Variants in RBMS3 observed in about 807,000 individuals in gnomAD.
RBMS3 encodes the protein RNA-binding motif, single-stranded-interacting protein 3.
Under a neutral mutation model 66.8 loss-of-function variants are expected in RBMS3, and 27 were observed. That is an observed-to-expected ratio of 0.40 (90% confidence interval 0.30 to 0.56). The LOEUF is 0.56. RBMS3 is among the 20% of genes least tolerant of loss of function. The pLI is 0.40. For missense variants in RBMS3, 513 were observed against 549.5 expected (o/e 0.93, Z 0.66); for synonymous variants, 188 against 183.0 (o/e 1.03, Z -0.22).
chr3:29,425,130 T>C (rs2040893750), intron 1 of RBMS3, among the ~76,000 whole-genome samples: 1 of 144,496 alleles, frequency 6.9e-6, no homozygotes, highest in Non-Finnish European at 1.5e-5. Flanking sequence ...GATCACAAGG[T>C]CAGGAGATCG....
chr3:29,814,263 G>C (rs905502027), intron 6 of RBMS3, among the ~76,000 whole-genome samples: 1 of 152,054 alleles, frequency 6.6e-6, no homozygotes, highest in African/African-American at 2.4e-5. Context: ...CTTTGGTTCT[G>C]TTTATATGCT....
intron 12 of RBMS3, among the ~76,000 whole-genome samples, chr3:29,948,221 G>A (rs190280610): frequency 6.6e-5 from 10 of 151,786 alleles, no homozygotes; most frequent in African/African-American, 1.7e-4. Flanking sequence ...TGTGCTCTAC[G>A]AATAAAGTTC....
intron 1 of RBMS3, among the ~76,000 whole-genome samples, chr3:29,310,839 G>A (rs979426302): frequency 4.6e-5 from 7 of 151,690 alleles, no homozygotes; most frequent in African/African-American, 1.2e-4. Flanking sequence ...TGGCTCTGAC[G>A]TTCATCTGTT....
At chr3:29,877,102 A>C (rs1450636010) in intron 7 of RBMS3, among the ~76,000 whole-genome samples, 2 of 152,242 alleles carry the variant, frequency 1.3e-5, no homozygotes, top group African/African-American at 2.4e-5. Flanking sequence ...GGCAGTAATC[A>C]TGCATTGAAC....
intron 6 of RBMS3, among the ~76,000 whole-genome samples, chr3:29,814,698 G>A (rs539465596): frequency 6.6e-6 from 1 of 152,178 alleles, no homozygotes; most frequent in Non-Finnish European, 1.5e-5. Flanking sequence ...CTTCTTCCTG[G>A]TTTAGTCTTG....
intron 1 of RBMS3, among the ~76,000 whole-genome samples, chr3:29,297,863 G>A (rs1273608861): frequency 6.6e-6 from 1 of 151,848 alleles, no homozygotes; most frequent in East Asian, 1.9e-4. Context: ...AAAATGCTGT[G>A]AGTGAGGCCA....
chr3:29,385,253 C>T (rs2038962458), intron 1 of RBMS3, among the ~76,000 whole-genome samples: 1 of 152,144 alleles, frequency 6.6e-6, no homozygotes, highest in Non-Finnish European at 1.5e-5. Flanking sequence ...TAATGCCCAG[C>T]AGACCTTCGC....
intron 8 of RBMS3, among the ~76,000 whole-genome samples, chr3:29,893,680 A>G (rs2060056463): frequency 1.3e-5 from 2 of 151,590 alleles, no homozygotes; most frequent in African/African-American, 4.8e-5. Flanking sequence ...GATTTTTCAT[A>G]GAAAAGGACT....
chr3:29,343,700 A>C (rs2036413096), intron 1 of RBMS3, among the ~76,000 whole-genome samples: 1 of 152,150 alleles, frequency 6.6e-6, no homozygotes, highest in Admixed American at 6.6e-5. Context: ...GTTCAACCTC[A>C]TTGTCCACTA....
chr3:29,964,877 C>G (rs917678448), intron 12 of RBMS3, among the ~76,000 whole-genome samples: 1 of 152,142 alleles, frequency 6.6e-6, no homozygotes, highest in Non-Finnish European at 1.5e-5. Context: ...TCCCCTCCCA[C>G]TCTTCCCCCT....
chr3:29,441,620 G>T (rs1482587481), intron 2 of RBMS3, among the ~76,000 whole-genome samples: 2 of 152,120 alleles, frequency 1.3e-5, no homozygotes, highest in Non-Finnish European at 2.9e-5. Context: ...GAGAATAAGG[G>T]TGGCATAAAT....
At chr3:29,805,224 G>A (rs2057510893) in intron 6 of RBMS3, among the ~76,000 whole-genome samples, 1 of 151,838 alleles carries the variant, frequency 6.6e-6, no homozygotes, top group African/African-American at 2.4e-5. Flanking sequence ...ACAATGCTCT[G>A]CTTACATGTT....
chr3:29,362,187 C>A (rs2037636600), intron 1 of RBMS3, among the ~76,000 whole-genome samples: 1 of 151,980 alleles, frequency 6.6e-6, no homozygotes, highest in Non-Finnish European at 1.5e-5. Context: ...TTTTATCTAC[C>A]TTTGGTCTTT....
chr3:29,621,235 T>G (rs2048855691), intron 4 of RBMS3, among the ~76,000 whole-genome samples: 1 of 152,056 alleles, frequency 6.6e-6, no homozygotes, highest in African/African-American at 2.4e-5. Flanking sequence ...AATAATTCTA[T>G]GTATTTAAAT....
intron 6 of RBMS3, among the ~76,000 whole-genome samples, chr3:29,859,303 T>A (rs1177102701): frequency 6.6e-6 from 1 of 152,176 alleles, no homozygotes; most frequent in Non-Finnish European, 1.5e-5. Flanking sequence ...AGAGAACCAC[T>A]GTAATTATAT....
At chr3:29,869,018 G>T in intron 7 of RBMS3, 54 bp downstream of exon 7, 1 of 1,440,760 alleles carries the variant, frequency 6.9e-7, no homozygotes, top group Non-Finnish European at 9.4e-7. Context: ...ATATCCCTCA[G>T]AAGGTGGCAA....
chr3:29,872,791 C>T (rs1476054195), intron 7 of RBMS3, among the ~76,000 whole-genome samples: 1 of 152,148 alleles, frequency 6.6e-6, no homozygotes, highest in Non-Finnish European at 1.5e-5. Flanking sequence ...GGGAGGGGTC[C>T]AGCTTCAATT....
At chr3:29,853,585 T>G (rs567232176) in intron 6 of RBMS3, among the ~76,000 whole-genome samples, 105 of 152,156 alleles carry the variant, frequency 6.9e-4, no homozygotes, top group African/African-American at 2.3e-3. Flanking sequence ...AGGCGACAGA[T>G]GATTGGCTAC....
intron 1 of RBMS3, among the ~76,000 whole-genome samples, chr3:29,379,211 A>G (rs2038642358): frequency 6.6e-6 from 1 of 152,232 alleles, no homozygotes; most frequent in African/African-American, 2.4e-5. Context: ...GTATTTCTCT[A>G]ATTCTTAAAA....
Sources: allele counts gnomAD v4.1 joint callset (sites outside exome capture counted in the v4.1 genomes callset), GRCh38; gene constraint gnomAD v4.1.1; transcripts MANE v1.5; gene names NCBI Gene and HGNC (gene_info 2026-07-23, HGNC 2026-07-21).